COL5A3: variants seen among roughly 807,000 people sequenced by gnomAD.
The protein encoded by COL5A3 is collagen alpha-3(V) chain.
In COL5A3, 172 loss-of-function variants were observed where a neutral mutation model predicts 250.0. The observed-to-expected ratio is 0.69, with a 90% CI of 0.61 to 0.78. The LOEUF is 0.78. COL5A3 is among the 30% of genes least tolerant of loss of function. The pLI is 0.00. For synonymous variants in COL5A3, 937 were observed against 900.4 expected (o/e 1.04, Z -0.73); for missense variants, 2,340 against 2,334.4 (o/e 1.00, Z -0.05).
In COL5A3 at chr19:9,998,038, G is replaced by A. The variant is rs7254800; in HGVS notation, c.1159-13C>T. On this transcript the variant is annotated splice_polypyrimidine_tract_variant and intron_variant, in intron 9 of 66. Coordinates refer to ENST00000264828, the MANE Select transcript of COL5A3 (RefSeq NM_015719.4). ...CAAACTGCTGCCCCTGAAGGGAGAAGTGAGTGTCGGTGACCGCTGTCATCA... is the reference window on the plus strand; with the variant it reads ...CAAACTGCTGCCCCTGAAGGGAGAAATGAGTGTCGGTGACCGCTGTCATCA... 659,893 of 1,613,360 alleles carry A rather than the reference G, an allele frequency of 0.41. 136,789 individuals carry two copies. Among genetic ancestry groups the A allele is most frequent in the Non-Finnish European group, 0.42 (500,403 of 1,179,662 alleles).
chr19:9,998,271 A>C, intron 8 of COL5A3, 122 bp from the exon 9 acceptor site: 1 of 1,004,716 alleles, frequency 1.0e-6, no homozygotes. Flanking sequence ...GTCCACCCTC[A>C]GAGCCCCTTC....
chr19:9,991,155 C>T (rs2087183188), intron 24 of COL5A3, among the ~76,000 whole-genome samples: 1 of 152,170 alleles, frequency 6.6e-6, no homozygotes, highest in African/African-American at 2.4e-5. Flanking sequence ...GGTGGGAGAA[C>T]CACCTCGCCT....
chr19:9,976,660 G>A, intron 44 of COL5A3, 49 bp from the exon 45 acceptor site: 1 of 1,450,088 alleles, frequency 6.9e-7, no homozygotes, highest in South Asian at 1.3e-5. Context: ...TTTAAGATTA[G>A]AGAGGGCACT....
chr19:9,969,828 AGAG>A, intron 55 of COL5A3, 38 bp downstream of exon 55: 1 of 1,609,438 alleles, frequency 6.2e-7, no homozygotes, highest in Middle Eastern at 1.7e-4. Flanking sequence ...CTGTTGGCCT[AGAG>A]TAGTGCAGGG....
In COL5A3 at chr19:10,006,202, C is replaced by T. The variant is rs776971024; in HGVS notation, c.118G>A (p.Val40Met). The change falls in exon 2 of 67, where the codon GTG (valine) becomes ATG (methionine). Residue 40 changes from valine to methionine, a missense_variant. Physicochemically the swap from Val to Met is conservative, Grantham distance 21. This residue lies in a region of COL5A3 where 1,152 missense variants were observed against 1,146.3 expected (regional missense o/e 1.00). Coordinates refer to ENST00000264828, the MANE Select transcript of COL5A3 (RefSeq NM_015719.4). ...DPVDVLKALGVQGGQAGVPEG... is the reference protein window; with the variant it reads ...DPVDVLKALGMQGGQAGVPEG... Reference sequence around the variant, plus strand: ...GGGACCCCAGCCTGGCCTCCCTGCACACCCAGGGCCTTCAGGACATCCACA... The same window carrying T: ...GGGACCCCAGCCTGGCCTCCCTGCATACCCAGGGCCTTCAGGACATCCACA... 2.5e-6 allele frequency: 4 copies of T among 1,603,872 alleles called. No homozygotes were observed. The South Asian group carries it at 3.4e-5, about 13-fold the overall frequency.
Position 9,977,602 on chromosome 19 carries a change from C to T in COL5A3, c.3118G>A (p.Gly1040Arg). Reference protein sequence around the residue: ...EGPVGPAGKKGSRGERGPPGP... With the variant: ...EGPVGPAGKKRSRGERGPPGP... ...ATGGGCAAGTCACTTACCCGGGACC[C>T]CTTCTTGCCTGCAGGGCCAACGGGG... The change falls in exon 42 of 67, where the codon GGG becomes AGG. Residue 1040 changes from glycine (G) to arginine (R), a missense_variant. Physicochemically the swap from Gly to Arg is moderately radical, Grantham distance 125. Around this residue, in one of 3 missense-constraint regions of COL5A3, gnomAD observed 1,179 missense variants for 1,162.6 expected, o/e 1.01. Transcript: ENST00000264828. 6.3e-7 allele frequency: 1 copy of T among 1,589,138 alleles called. No homozygotes were observed. The highest frequency in any genetic ancestry group is 8.6e-7 in the Non-Finnish European group (1 of 1,167,874).
intron 54 of COL5A3, among the ~76,000 whole-genome samples, chr19:9,970,354 GC>G (rs1332579175): frequency 6.2e-5 from 7 of 113,328 alleles, no homozygotes; most frequent in African/African-American, 2.0e-4. Context: ...GTGTTCTGTG[GC>G]TGAGTGGGGT....
intron 27 of COL5A3, among the ~76,000 whole-genome samples, chr19:9,988,855 A>AAAAG (rs2087144022): frequency 1.9e-5 from 2 of 104,738 alleles, no homozygotes; most frequent in Admixed American, 1.9e-4. Context: ...AAAAAAAAAA[A>AAAAG]AAAGAAAGTA....
At chr19:10,008,091 C>T (rs1375539274) in intron 1 of COL5A3, among the ~76,000 whole-genome samples, 2 of 152,242 alleles carry the variant, frequency 1.3e-5, no homozygotes, top group South Asian at 4.1e-4. Flanking sequence ...GAGATCTGGG[C>T]TCCCAGGCTC....
chr19:9,981,225 A>G, intron 32 of COL5A3, 93 bp from the exon 33 acceptor site: 1 of 1,119,304 alleles, frequency 8.9e-7, no homozygotes, highest in Non-Finnish European at 1.4e-6. Context: ...AGACCCAGAA[A>G]GCTGTCTGCC....
intron 52 of COL5A3, 24 bp from the exon 53 acceptor site, chr19:9,971,052 G>T (rs2086839023): frequency 2.0e-6 from 3 of 1,501,768 alleles, no homozygotes; most frequent in Admixed American, 2.4e-5. Flanking sequence ...AGACAGAGTT[G>T]GGAGGGGTGA....
At chr19:10,002,196 C>T (rs531882260) in intron 6 of COL5A3, among the ~76,000 whole-genome samples, 10 of 149,128 alleles carry the variant, frequency 6.7e-5, no homozygotes, top group Admixed American at 2.7e-4. Context: ...CAGAGTTCAG[C>T]GGCCAGCAGG....
Position 10,001,654 on chromosome 19 carries a change from T to G in COL5A3, c.980A>C (p.Asp327Ala), listed in dbSNP as rs754261548. ...CAGGGTCCCCAGCTCGGTTCCACTG[T>G]CAGGGTCCAAGCTCCTCTGAGAACG... is the stretch of plus-strand genomic sequence containing the variant. ...ATILERSLDPDSGTELGTLET... is the reference protein window; with the variant it reads ...ATILERSLDPASGTELGTLET... The change falls in exon 8 of 67, where the codon GAC (aspartate) becomes GCC (alanine). Residue 327 changes from aspartate to alanine, a missense_variant. Physicochemically the swap from Asp to Ala is moderately radical, Grantham distance 126 (BLOSUM62 -2). Around this residue, in one of 3 missense-constraint regions of COL5A3, gnomAD observed 1,152 missense variants for 1,146.3 expected, o/e 1.00. Transcript: ENST00000264828. 13 of 1,613,906 alleles carry G rather than the reference T, an allele frequency of 8.1e-6. No homozygotes were observed. The South Asian group carries it at 1.3e-4, about 16-fold the overall frequency.
chr19:9,989,701 T>C (rs2087158492), intron 24 of COL5A3, among the ~76,000 whole-genome samples, 179 bp from the exon 25 acceptor site: 1 of 152,196 alleles, frequency 6.6e-6, no homozygotes, highest in South Asian at 2.1e-4. Context: ...CCCATTTCCC[T>C]CTCTGATCCT....
At chr19:9,987,802 G>T (rs2087120439) in intron 27 of COL5A3, among the ~76,000 whole-genome samples, 1 of 151,830 alleles carries the variant, frequency 6.6e-6, no homozygotes, top group African/African-American at 2.4e-5. Context: ...AAGCCTGGTG[G>T]GATACGCCTA....
rs1486350589 is a variant in COL5A3, at chr19:10,001,630, A to C, written c.1004T>G (p.Leu335Arg). ...ATCCTCCCTGGCTGCCTTGGTCTCC[A>C]GGGTCCCCAGCTCGGTTCCACTGTC... ...DPDSGTELGT[L>R]ETKAAREDEE... The change falls in exon 8 of 67, where the codon CTG (leucine) becomes CGG (arginine). Residue 335 changes from leucine (L) to arginine (R), a missense_variant. Physicochemically the swap from Leu to Arg is moderately radical, Grantham distance 102. This residue lies in a region of COL5A3 where 1,152 missense variants were observed against 1,146.3 expected (regional missense o/e 1.00). Transcript: ENST00000264828. The C allele has an allele frequency of 1.2e-6, 2 of 1,613,932 alleles. No homozygotes were observed. Among genetic ancestry groups the C allele is most frequent in the African/African-American group, 2.7e-5 (2 of 74,876 alleles).
At chr19:9,997,518 A>C in intron 10 of COL5A3, 85 bp from the exon 11 acceptor site, 2 of 840,638 alleles carry the variant, frequency 2.4e-6, no homozygotes, top group Non-Finnish European at 3.8e-6. Flanking sequence ...CTCTAACCTC[A>C]GGCTGACCTC....
intron 64 of COL5A3, among the ~76,000 whole-genome samples, chr19:9,965,458 CTTT>C (rs781503204): frequency 7.2e-6 from 1 of 139,520 alleles, no homozygotes; most frequent in Admixed American, 7.2e-5. Flanking sequence ...GCCCGGCCTT[CTTT>C]TTTTTTTTTC....
At chr19:9,985,576 TG>T (rs1809166317) in intron 31 of COL5A3, among the ~76,000 whole-genome samples, 1 of 152,076 alleles carries the variant, frequency 6.6e-6, no homozygotes, top group African/African-American at 2.4e-5. Context: ...GGCTAATTTT[TG>T]TATGTTTTCA....
Sources: allele counts gnomAD v4.1 joint callset (sites outside exome capture counted in the v4.1 genomes callset), GRCh38; gene constraint gnomAD v4.1.1; regional missense constraint gnomAD v4.1.1; transcripts MANE v1.5; gene names NCBI Gene and HGNC (gene_info 2026-07-23, HGNC 2026-07-21).